The following MGMT variants were observed in gnomAD, a reference collection of about 807,000 sequenced individuals.
The protein encoded by MGMT is O-6-methylguanine-DNA methyltransferase.
Under a neutral mutation model 15.9 loss-of-function variants are expected in MGMT, and 14 were observed. That is an observed-to-expected ratio of 0.88 (90% CI 0.58 to 1.37). MGMT has a LOEUF of 1.37. MGMT is among the 40% of genes most tolerant of loss of function. The pLI, the probability that MGMT is intolerant of heterozygous loss-of-function variation, is 0.00. For missense variants in MGMT, 282 were observed against 268.1 expected (o/e 1.05, Z -0.36); for synonymous variants, 130 against 118.2 (o/e 1.10, Z -0.65).
intron 2 of MGMT, among the ~76,000 whole-genome samples, chr10:129,543,779 CTG>C (rs1343723085): frequency 6.6e-6 from 1 of 152,122 alleles, no homozygotes; most frequent in African/African-American, 2.4e-5. Flanking sequence ...GTGCCTGTGT[CTG>C]TGAGTCAGAA....
At chr10:129,557,845 A>G (rs1458190323) in intron 2 of MGMT, among the ~76,000 whole-genome samples, 1 of 152,364 alleles carries the variant, frequency 6.6e-6, no homozygotes, top group Non-Finnish European at 1.5e-5. Context: ...GAGCTAATCA[A>G]TGCATATTTG....
At chr10:129,675,377 T>C (rs1419939337) in intron 2 of MGMT, among the ~76,000 whole-genome samples, 1 of 152,026 alleles carries the variant, frequency 6.6e-6, no homozygotes, top group Non-Finnish European at 1.5e-5. Context: ...AATGACTGGG[T>C]TTAGACTAGT....
At chr10:129,650,064 A>T (rs925965271) in intron 2 of MGMT, among the ~76,000 whole-genome samples, 2 of 152,218 alleles carry the variant, frequency 1.3e-5, no homozygotes, top group African/African-American at 4.8e-5. Flanking sequence ...AATAATTATT[A>T]ATTCATGCAA....
intron 2 of MGMT, among the ~76,000 whole-genome samples, chr10:129,694,880 C>T (rs1456144678): frequency 6.6e-6 from 1 of 152,134 alleles, no homozygotes; most frequent in African/African-American, 2.4e-5. Flanking sequence ...GTGCCAGCGA[C>T]GACACTTGTT....
intron 4 of MGMT, among the ~76,000 whole-genome samples, chr10:129,759,919 C>G (rs1383358886): frequency 6.6e-6 from 1 of 152,196 alleles, no homozygotes; most frequent in Non-Finnish European, 1.5e-5. Flanking sequence ...GGGACCTAGA[C>G]CACACGCACC....
At chr10:129,691,034 A>G (rs1847963713) in intron 2 of MGMT, among the ~76,000 whole-genome samples, 1 of 152,218 alleles carries the variant, frequency 6.6e-6, no homozygotes, top group Non-Finnish European at 1.5e-5. Context: ...AGTGGCAACA[A>G]AAGGGAATGG....
chr10:129,500,607 G>T (rs183987561), intron 1 of MGMT, among the ~76,000 whole-genome samples: 1 of 152,008 alleles, frequency 6.6e-6, no homozygotes, highest in Non-Finnish European at 1.5e-5. Flanking sequence ...TGTTGCCCAG[G>T]TGCAGTGGTG....
chr10:129,527,409 A>C (rs1458127801), intron 1 of MGMT, among the ~76,000 whole-genome samples: 2 of 152,182 alleles, frequency 1.3e-5, no homozygotes, highest in African/African-American at 4.8e-5. Flanking sequence ...TAGACGGGAC[A>C]CTGGGGCTGC....
intron 2 of MGMT, among the ~76,000 whole-genome samples, chr10:129,685,333 G>A (rs1292254162): frequency 6.6e-6 from 1 of 152,196 alleles, no homozygotes; most frequent in Non-Finnish European, 1.5e-5. Flanking sequence ...CTTCCTGCCT[G>A]GCCTGGGCAG....
chr10:129,741,535 G>C (rs1242265736), intron 3 of MGMT, among the ~76,000 whole-genome samples: 1 of 152,198 alleles, frequency 6.6e-6, no homozygotes, highest in Non-Finnish European at 1.5e-5. Flanking sequence ...GGTGAGTGCT[G>C]TGTGGTCGGC....
chr10:129,741,241 C>T (rs1848629405), intron 3 of MGMT, among the ~76,000 whole-genome samples: 1 of 152,200 alleles, frequency 6.6e-6, no homozygotes, highest in Non-Finnish European at 1.5e-5. Flanking sequence ...CAGGCCGTGT[C>T]TACTTGAGCT....
At chr10:129,575,602 C>A (rs1487832932) in intron 2 of MGMT, among the ~76,000 whole-genome samples, 9 of 147,970 alleles carry the variant, frequency 6.1e-5, no homozygotes, top group South Asian at 2.3e-4. Context: ...AAAATTGACA[C>A]CCTAACATCA....
At chr10:129,745,606 T>C (rs1189923498) in intron 3 of MGMT, among the ~76,000 whole-genome samples, 1 of 152,254 alleles carries the variant, frequency 6.6e-6, no homozygotes, top group African/African-American at 2.4e-5. Context: ...GAGTGTACGC[T>C]ACCGTGTGGG....
At chr10:129,615,129 A>G (rs1564737734) in intron 2 of MGMT, among the ~76,000 whole-genome samples, 1 of 152,224 alleles carries the variant, frequency 6.6e-6, no homozygotes, top group Non-Finnish European at 1.5e-5. Context: ...ATTTTCCATC[A>G]TATGGAGTGA....
intron 2 of MGMT, among the ~76,000 whole-genome samples, chr10:129,706,538 A>ACTGTCTGCAGAAGG (rs1564768421): frequency 6.6e-6 from 1 of 152,138 alleles, no homozygotes; most frequent in Non-Finnish European, 1.5e-5. Context: ...GAGGAGCAGC[A>ACTGTCTGCAGAAGG]CTGTCTGCAG....
At chr10:129,622,931 A>G (rs1425599485) in intron 2 of MGMT, among the ~76,000 whole-genome samples, 2 of 152,270 alleles carry the variant, frequency 1.3e-5, no homozygotes, top group Admixed American at 1.3e-4. Flanking sequence ...GGCTGGCAGG[A>G]TCTACGTGGG....
intron 3 of MGMT, among the ~76,000 whole-genome samples, chr10:129,734,097 A>G (rs1848533567): frequency 6.6e-6 from 1 of 151,618 alleles, no homozygotes. Context: ...TTCTGTGAAG[A>G]AAGTCATTGG....
chr10:129,479,582 A>G (rs1371881526), intron 1 of MGMT, among the ~76,000 whole-genome samples: 1 of 152,146 alleles, frequency 6.6e-6, no homozygotes, highest in African/African-American at 2.4e-5. Flanking sequence ...GTTTTTGTGG[A>G]AAAGTTTGTG....
intron 3 of MGMT, among the ~76,000 whole-genome samples, chr10:129,739,769 GT>G (rs1159064885): frequency 2.0e-5 from 3 of 152,250 alleles, no homozygotes; most frequent in African/African-American, 4.8e-5. Context: ...CACATTATGA[GT>G]TTTTTTATGA....
Sources: allele counts gnomAD v4.1 joint callset (sites outside exome capture counted in the v4.1 genomes callset), GRCh38; gene constraint gnomAD v4.1.1; transcripts MANE v1.5; gene names NCBI Gene and HGNC (gene_info 2026-07-23, HGNC 2026-07-21).